LRP6: variants seen among roughly 807,000 people sequenced by gnomAD.
LRP6 encodes low-density lipoprotein receptor-related protein 6.
LRP6 carries 43 observed loss-of-function variants against 184.1 expected under a neutral mutation model. The ratio of observed to expected loss-of-function variants is 0.23; its 90% CI spans 0.18 to 0.30. LRP6 has a LOEUF of 0.30. Among genes scored for constraint, LRP6 ranks in the 10% least tolerant of loss-of-function variants. LRP6 has a pLI of 1.00. For synonymous variants in LRP6, 719 were observed against 684.9 expected (o/e 1.05, Z -0.78); for missense variants, 1,571 against 2,005.3 (o/e 0.78, Z 4.14).
chr12:12,147,977 AAT>A (rs374181876), intron 14 of LRP6, among the ~76,000 whole-genome samples: 14 of 147,930 alleles, frequency 9.5e-5, no homozygotes, highest in Admixed American at 2.0e-4. Context: ...CTTGTATCCA[AAT>A]ATATATATAT....
At chr12:12,209,709 C>T (rs777034135) in intron 2 of LRP6, among the ~76,000 whole-genome samples, 5 of 152,156 alleles carry the variant, frequency 3.3e-5, no homozygotes, top group Non-Finnish European at 7.4e-5. Flanking sequence ...ATATATTATT[C>T]AATTTTCTTA....
chr12:12,121,438 T>C lies in LRP6; in HGVS notation c.4548-18A>G, dbSNP rs1281412843. The stretch of plus-strand genomic sequence containing the variant: ...GCCTGTAGCTGGTATAGGGAGAAAA[T>C]AAAGAGAAGCAGTTAGTTTTACAAA... On this transcript the variant is annotated intron_variant, in intron 22 of 22. Transcript: ENST00000261349. 4.3e-6 allele frequency: 7 copies of C among 1,612,026 alleles called. No individual in the cohort carries two copies. The highest frequency in any genetic ancestry group is 5.9e-6 in the Non-Finnish European group (7 of 1,178,662).
In LRP6 at chr12:12,155,922, T is replaced by C. The variant is rs978260347; in HGVS notation, c.2791+2907A>G. 7.3e-6 allele frequency: 4 copies of C among 550,214 alleles called. No homozygotes were observed. In the Admixed American group the frequency reaches 9.6e-5, roughly 13 times the overall value. 34.1% of individuals were successfully genotyped at this position (550,214 alleles called of 1,614,324 possible). A position where few individuals can be genotyped will look rare whatever the true frequency, so the allele number is the denominator to read the frequency against. On this transcript the variant is annotated intron_variant, in intron 12 of 22. Transcript: ENST00000261349. ...TCTTCATTCATTTATTTAACAATAA[T>C]TTCTTGAGTATCTACCACAGACTAA...
At chr12:12,198,318 T>C (rs1023777656) in intron 3 of LRP6, among the ~76,000 whole-genome samples, 2 of 152,198 alleles carry the variant, frequency 1.3e-5, no homozygotes, top group African/African-American at 4.8e-5. Flanking sequence ...GTATGTTGTT[T>C]CTTCTTTGCC....
chr12:12,132,887 A>C (rs1949777447), intron 17 of LRP6, among the ~76,000 whole-genome samples: 1 of 152,212 alleles, frequency 6.6e-6, no homozygotes, highest in African/African-American at 2.4e-5. Flanking sequence ...TTTTACTTGA[A>C]AGAATGACTG....
intron 5 of LRP6, among the ~76,000 whole-genome samples, chr12:12,183,345 G>C (rs950618225): frequency 1.3e-5 from 2 of 152,178 alleles, no homozygotes; most frequent in Admixed American, 1.3e-4. Flanking sequence ...AAAAACAGAA[G>C]AACTGGTGTT....
intron 3 of LRP6, among the ~76,000 whole-genome samples, chr12:12,198,284 T>G (rs532863805): frequency 5.3e-5 from 8 of 152,332 alleles, no homozygotes; most frequent in South Asian, 4.1e-4. Flanking sequence ...GCTTTGCTTT[T>G]CTTTCCAAAG....
intron 1 of LRP6, among the ~76,000 whole-genome samples, chr12:12,248,200 G>A (rs1199932317): frequency 2.0e-5 from 3 of 151,952 alleles, no homozygotes; most frequent in Admixed American, 2.0e-4. Context: ...CTACAACTTC[G>A]CTCTATCAAT....
chr12:12,225,418 T>C (rs900327629), intron 2 of LRP6, among the ~76,000 whole-genome samples: 4 of 151,882 alleles, frequency 2.6e-5, no homozygotes, highest in East Asian at 1.9e-4. Context: ...AAAGCAGAAA[T>C]CCACAGACAA....
chr12:12,140,608 TTTTTTTTTTTTTTGAGACGG>T (rs67340003), intron 15 of LRP6, among the ~76,000 whole-genome samples: 7,854 of 145,886 alleles, frequency 0.054, 283 homozygotes, highest in Middle Eastern at 0.17. Flanking sequence ...TAAAAATCTT[TTTTTTTTTTTTTTGAGACGG>T]AGTTTTGCTC....
chr12:12,223,031 A>C (rs1040796186), intron 2 of LRP6, among the ~76,000 whole-genome samples: 1 of 152,104 alleles, frequency 6.6e-6, no homozygotes, highest in Non-Finnish European at 1.5e-5. Context: ...CCAACACCAA[A>C]ATAAAATATT....
chr12:12,149,370 A>G (rs924937034), intron 13 of LRP6, among the ~76,000 whole-genome samples: 4 of 152,166 alleles, frequency 2.6e-5, no homozygotes, highest in African/African-American at 7.2e-5. Context: ...GCTGAAAAAA[A>G]GAGCTGAGGT....
At chr12:12,219,050 C>G (rs1033362929) in intron 2 of LRP6, among the ~76,000 whole-genome samples, 2 of 117,920 alleles carry the variant, frequency 1.7e-5, no homozygotes, top group East Asian at 5.1e-4. Flanking sequence ...CCAGCCTGGC[C>G]GACATGGTGA....
intron 3 of LRP6, 142 bp from the exon 4 acceptor site, chr12:12,187,261 C>T (rs956503097): frequency 1.4e-6 from 1 of 694,048 alleles, no homozygotes; most frequent in Non-Finnish European, 2.5e-6. Flanking sequence ...TCAAATACAC[C>T]TATAAAAAAT....
In LRP6 at chr12:12,193,135, CA is replaced by C. The variant is rs367799937; in HGVS notation, c.648-6017del. ...TTCTAAATTTTTGAAATTTCTTTCT[CA>C]ATTTCCTCTAAATCAGCAATGAGTC... On this transcript the variant is annotated intron_variant, in intron 3 of 22. Coordinates refer to ENST00000261349, the MANE Select transcript of LRP6 (RefSeq NM_002336.3). Among the ~76,000 whole-genome samples, 140 of 151,952 alleles carry C rather than the reference CA, an allele frequency of 9.2e-4. 1 individual carries two copies. In the East Asian group the frequency reaches 0.013, roughly 14 times the overall value.
chr12:12,140,324 G>C (rs974365570), intron 15 of LRP6, among the ~76,000 whole-genome samples: 1 of 151,984 alleles, frequency 6.6e-6, no homozygotes, highest in African/African-American at 2.4e-5. Context: ...GCAACAAGAG[G>C]GTTGGGAGAC....
intron 12 of LRP6, chr12:12,155,270 C>A (rs952063890): frequency 4.0e-6 from 3 of 745,826 alleles, no homozygotes; most frequent in Non-Finnish European, 7.4e-6. Context: ...AAATGATGAA[C>A]ACAAAGGGAA....
At chr12:12,123,688 T>C (rs896569902) in intron 22 of LRP6, among the ~76,000 whole-genome samples, 8 of 152,358 alleles carry the variant, frequency 5.3e-5, no homozygotes, top group African/African-American at 1.9e-4. Context: ...ACAACAGTAC[T>C]TGACCTGCTC....
intron 1 of LRP6, 40 bp downstream of exon 1, chr12:12,266,641 C>G (rs200634101): frequency 2.5e-6 from 4 of 1,591,102 alleles, no homozygotes; most frequent in East Asian, 4.6e-5. Flanking sequence ...CCACCTCCCC[C>G]CGAACCCCAC....
Sources: gnomAD v4.1 joint callset for allele counts (sites outside exome capture counted in the v4.1 genomes callset) on GRCh38, gnomAD v4.1.1 for gene constraint, MANE v1.5 for transcripts, NCBI Gene and HGNC (gene_info 2026-07-23, HGNC 2026-07-21) for gene names.